Variants in LOXHD1 observed in about 807,000 individuals in gnomAD.
The protein encoded by LOXHD1 is lipoxygenase homology domain-containing protein 1.
A neutral mutation model predicts 248.2 loss-of-function variants in LOXHD1; 205 were observed. That is an observed-to-expected ratio of 0.83 (90% CI 0.74 to 0.93). The LOEUF is 0.93. LOXHD1 is among the 40% of genes least tolerant of loss of function. The probability of loss-of-function intolerance (pLI) is 0.00; values close to 1 mark genes in which losing one functional copy is unlikely to be tolerated. For synonymous variants in LOXHD1, 1,113 were observed against 1,162.8 expected (o/e 0.96, Z 0.87); for missense variants, 2,930 against 2,971.6 (o/e 0.99, Z 0.33).
chr18:46,517,180 C>T (rs1204301108), intron 34 of LOXHD1, among the ~76,000 whole-genome samples: 2 of 152,068 alleles, frequency 1.3e-5, no homozygotes, highest in Non-Finnish European at 2.9e-5. Context: ...TGTCAGGGGC[C>T]AGGGATGTTT....
Position 46,538,071 on chromosome 18 carries a change from C to T in LOXHD1, c.4095+85G>A, listed in dbSNP as rs140261917. 5 of 1,233,756 alleles carry T rather than the reference C, an allele frequency of 4.1e-6. No individual in the cohort carries two copies. The African/African-American group carries it at 7.5e-5, about 18-fold the overall frequency. The allele number at this position is 1,233,756 out of a possible 1,614,324, so 76.4% of individuals were successfully genotyped here. A position where few individuals can be genotyped will look rare whatever the true frequency, so the allele number is the denominator to read the frequency against. ...AATAGCAGTGCATCAGGATGAAGGG[C>T]ATGTGTTCTGCCCTGAAGGTAGGGC... On this transcript the variant is annotated intron_variant, in intron 26 of 40. Coordinates refer to ENST00000642948, the MANE Select transcript of LOXHD1 (RefSeq NM_001384474.1).
At chr18:46,594,132 A>AGG (rs1226021433) in intron 9 of LOXHD1, among the ~76,000 whole-genome samples, 199 bp downstream of exon 9, 11 of 152,096 alleles carry the variant, frequency 7.2e-5, no homozygotes, top group Non-Finnish European at 1.5e-4. Flanking sequence ...CCTTGGTGCC[A>AGG]GGGGTGTGAC....
In LOXHD1 at chr18:46,483,722, A is replaced by T. The variant is rs1165699585; in HGVS notation, c.6206T>A (p.Phe2069Tyr). 16 of 1,551,220 alleles carry T rather than the reference A, an allele frequency of 1.0e-5. No individual in the cohort carries two copies. Among genetic ancestry groups the T allele is most frequent in the Non-Finnish European group, 1.2e-5 (14 of 1,146,790 alleles). The change falls in exon 40 of 41, where the codon TTT (phenylalanine) becomes TAT (tyrosine). Residue 2069 changes from phenylalanine to tyrosine, a missense_variant. By Grantham distance (22) the Phe-to-Tyr change is conservative. Transcript: ENST00000642948. ...AATGTCCCCCAAGTAGATGCTGTCAAACTCAAACGTGTCTGTGGTCCCCCT... is the reference window on the plus strand; with the variant it reads ...AATGTCCCCCAAGTAGATGCTGTCATACTCAAACGTGTCTGTGGTCCCCCT... Reference protein sequence around the residue: ...FRKGTTDTFEFDSIYLGDIAS... With the variant: ...FRKGTTDTFEYDSIYLGDIAS...
intron 4 of LOXHD1, among the ~76,000 whole-genome samples, chr18:46,627,721 A>C (rs550028316): frequency 1.3e-5 from 2 of 152,272 alleles, no homozygotes; most frequent in East Asian, 3.9e-4. Context: ...ACACTGAGCC[A>C]TCAGAGCTCA....
rs1332451708 is a variant in LOXHD1 at position 46,610,884 on chromosome 18, C to T, written c.651G>A (p.Lys217=). 6.4e-7 allele frequency: 1 copy of T among 1,551,720 alleles called. No individual in the cohort carries two copies. The highest frequency in any genetic ancestry group is 8.7e-7 in the Non-Finnish European group (1 of 1,147,028). The change falls in exon 6 of 41, where the codon AAG becomes AAA. Residue 217 remains lysine, a synonymous_variant. Transcript: ENST00000642948. Reference sequence around the variant, plus strand: ...CCAGGATGAACCTGTCTTCAGCTCCCTTTTCAAAGTTGTCCTTTTCATTTT... The same window carrying T: ...CCAGGATGAACCTGTCTTCAGCTCCTTTTTCAAAGTTGTCCTTTTCATTTT... The part of the protein sequence containing the change: ...RLENEKDNFE[K]GAEDRFILDA...
chr18:46,596,829 C>G (rs758909668), intron 8 of LOXHD1, among the ~76,000 whole-genome samples: 2 of 152,090 alleles, frequency 1.3e-5, no homozygotes, highest in Non-Finnish European at 2.9e-5. Flanking sequence ...GAGGAAAACT[C>G]AATATAGAAT....
intron 16 of LOXHD1, among the ~76,000 whole-genome samples, chr18:46,566,749 C>G (rs2037651503): frequency 6.6e-6 from 1 of 152,188 alleles, no homozygotes; most frequent in East Asian, 1.9e-4. Flanking sequence ...GAAAGCTCCA[C>G]TAGTACTTAA....
intron 29 of LOXHD1, among the ~76,000 whole-genome samples, chr18:46,526,081 T>C (rs566770081): frequency 6.6e-6 from 1 of 152,084 alleles, no homozygotes; most frequent in Non-Finnish European, 1.5e-5. Flanking sequence ...AAAGCAGATG[T>C]GGATGGGAGC....
chr18:46,550,211 G>A (rs1207274594), intron 21 of LOXHD1, among the ~76,000 whole-genome samples: 1 of 152,212 alleles, frequency 6.6e-6, no homozygotes, highest in Non-Finnish European at 1.5e-5. Context: ...TTTGGATGCT[G>A]AAGAACACTG....
chr18:46,518,816 A>G, intron 33 of LOXHD1: 1 of 947,660 alleles, frequency 1.1e-6, no homozygotes, highest in South Asian at 4.9e-5. Flanking sequence ...GTTCCCCTTC[A>G]TGCCACAGCC....
chr18:46,477,035 A>C, downstream of LOXHD1: 1 of 630,552 alleles, frequency 1.6e-6, no homozygotes, highest in Non-Finnish European at 2.9e-6. Flanking sequence ...AGCAGATGCT[A>C]AGATGAGTTC....
intron 1 of LOXHD1, among the ~76,000 whole-genome samples, chr18:46,653,777 A>G (rs1051900407): frequency 6.6e-6 from 1 of 152,242 alleles, no homozygotes; most frequent in South Asian, 2.1e-4. Flanking sequence ...TGGTTTACTA[A>G]GCTTCAATTT....
At chr18:46,553,412 T>C (rs1473584933) in intron 21 of LOXHD1, among the ~76,000 whole-genome samples, 1 of 152,152 alleles carries the variant, frequency 6.6e-6, no homozygotes, top group African/African-American at 2.4e-5. Flanking sequence ...AGAAAGTACT[T>C]AAACCTAAAT....
At chr18:46,602,943 A>G (rs2038360856) in intron 7 of LOXHD1, among the ~76,000 whole-genome samples, 1 of 152,158 alleles carries the variant, frequency 6.6e-6, no homozygotes, top group Non-Finnish European at 1.5e-5. Flanking sequence ...TCACATATTC[A>G]GTATATATTA....
intron 5 of LOXHD1, among the ~76,000 whole-genome samples, chr18:46,613,904 T>A (rs1325807351): frequency 6.6e-6 from 1 of 152,240 alleles, no homozygotes; most frequent in Admixed American, 6.5e-5. Context: ...GTCACATATC[T>A]ATATATTTAT....
intron 31 of LOXHD1, among the ~76,000 whole-genome samples, chr18:46,523,502 A>C (rs1199201390): frequency 6.6e-6 from 1 of 152,188 alleles, no homozygotes; most frequent in Non-Finnish European, 1.5e-5. Context: ...AGTGAAAAGA[A>C]AAATTCCTAA....
chr18:46,588,302 G>A (rs140547907), intron 12 of LOXHD1, among the ~76,000 whole-genome samples: 87 of 152,158 alleles, frequency 5.7e-4, no homozygotes, highest in African/African-American at 1.8e-3. Context: ...AGGGACCCCC[G>A]GAAGACATCA....
chr18:46,642,784 T>C (rs1336016319), intron 2 of LOXHD1, among the ~76,000 whole-genome samples: 1 of 152,184 alleles, frequency 6.6e-6, no homozygotes, highest in African/African-American at 2.4e-5. Context: ...TTGAAGCTCA[T>C]GTCAACAGCT....
intron 12 of LOXHD1, among the ~76,000 whole-genome samples, chr18:46,591,006 T>TG (rs1243728974): frequency 1.1e-4 from 17 of 152,258 alleles, no homozygotes; most frequent in Admixed American, 1.1e-3. Context: ...TTTCTATGTT[T>TG]ATGAGTATTT....
Sources: gnomAD v4.1 joint callset for allele counts (sites outside exome capture counted in the v4.1 genomes callset) on GRCh38, gnomAD v4.1.1 for gene constraint, MANE v1.5 for transcripts, NCBI Gene and HGNC (gene_info 2026-07-23, HGNC 2026-07-21) for gene names.